SLC35F4: variants seen among roughly 807,000 people sequenced by gnomAD.
SLC35F4 encodes solute carrier family 35 member F4.
Under a neutral mutation model 44.2 loss-of-function variants are expected in SLC35F4, and 24 were observed. The ratio of observed to expected loss-of-function variants is 0.54; its 90% CI spans 0.39 to 0.76. The LOEUF is 0.76. Ranked by LOEUF, SLC35F4 falls within the 30% of genes least tolerant of loss-of-function variation. The probability of loss-of-function intolerance (pLI) is 0.00; values close to 1 mark genes in which losing one functional copy is unlikely to be tolerated. For missense variants in SLC35F4, 562 were observed against 586.1 expected, an observed-to-expected ratio of 0.96 and a Z score of 0.42; for synonymous variants, 238 against 223.6, an observed-to-expected ratio of 1.06 and a Z score of -0.57.
chr14:57,845,411 G>A (rs1220583689), intron 1 of SLC35F4, among the ~76,000 whole-genome samples: 2 of 152,216 alleles, frequency 1.3e-5, no homozygotes, highest in African/African-American at 2.4e-5. Context: ...GCTTCGGCAA[G>A]GGTAAAATGC....
chr14:57,704,739 G>A (rs573327133), intron 1 of SLC35F4, among the ~76,000 whole-genome samples: 4 of 152,266 alleles, frequency 2.6e-5, no homozygotes, highest in East Asian at 1.9e-4. Context: ...GAAAGAGCTC[G>A]CTTCTGTGGC....
At chr14:57,769,768 G>T (rs117757620) in intron 1 of SLC35F4, among the ~76,000 whole-genome samples, 1 of 152,034 alleles carries the variant, frequency 6.6e-6, no homozygotes, top group African/African-American at 2.4e-5. Context: ...GGGTGCTTAG[G>T]GATTCTGTAA....
intron 1 of SLC35F4, among the ~76,000 whole-genome samples, chr14:57,957,833 G>C (rs1890266287): frequency 6.6e-6 from 1 of 152,026 alleles, no homozygotes; most frequent in African/African-American, 2.4e-5. Flanking sequence ...TAAAGAAATA[G>C]AATCTATCTG....
At chr14:57,653,739 AG>A (rs948154645) in intron 1 of SLC35F4, among the ~76,000 whole-genome samples, 40 of 152,338 alleles carry the variant, frequency 2.6e-4, no homozygotes, top group African/African-American at 9.6e-4. Context: ...GATCCTGCAG[AG>A]GTGGCCGCCT....
At chr14:57,964,931 T>A (rs1890407119) in intron 1 of SLC35F4, among the ~76,000 whole-genome samples, 1 of 148,526 alleles carries the variant, frequency 6.7e-6, no homozygotes, top group South Asian at 2.1e-4. Context: ...CCTCCAGGTA[T>A]CTCTCAAACT....
In SLC35F4 at chr14:57,935,028, T is replaced by A. The variant is rs143503754; in HGVS notation, n.282+46885A>T. Among the ~76,000 whole-genome samples, 85 of 152,236 alleles carry A rather than the reference T, an allele frequency of 5.6e-4. 1 individual carries two copies. The East Asian group carries it at 0.016, about 28-fold the overall frequency. ...TCCAGGTGAGCATACAGCAAGAAAG[T>A]GGCAGAAAGGGTGCATCTGAAAGAG... On this transcript the variant is annotated intron_variant and non_coding_transcript_variant, in intron 1 of 1. Transcript: ENST00000556568.
chr14:57,744,330 T>C (rs1011709889), intron 1 of SLC35F4, among the ~76,000 whole-genome samples: 1 of 152,184 alleles, frequency 6.6e-6, no homozygotes, highest in South Asian at 2.1e-4. Flanking sequence ...GAAAACCCCT[T>C]TGTCTCAGCC....
At chr14:57,738,222 T>C (rs2076513473) in intron 1 of SLC35F4, among the ~76,000 whole-genome samples, 1 of 152,178 alleles carries the variant, frequency 6.6e-6, no homozygotes, top group Admixed American at 6.5e-5. Context: ...TTTTGTTGAG[T>C]GTCTATTTAT....
chr14:57,911,350 T>G (rs187873435), intron 1 of SLC35F4, among the ~76,000 whole-genome samples: 7 of 152,156 alleles, frequency 4.6e-5, no homozygotes, highest in Admixed American at 3.9e-4. Context: ...CGGGGACATC[T>G]TCACCTTGTT....
intron 4 of SLC35F4, chr14:57,579,382 AGTT>A (rs944245260): frequency 1.3e-5 from 2 of 152,212 alleles, no homozygotes; most frequent in African/African-American, 4.8e-5. Context: ...TAAGTTACAC[AGTT>A]GTTTTCTTTT....
In SLC35F4 at chr14:57,668,824, A is replaced by C. The variant is rs556693310; in HGVS notation, c.104-74700T>G. 4.1e-3 allele frequency among the ~76,000 whole-genome samples: 630 copies of C among 151,966 alleles called. 6 individuals are homozygous for C. Among genetic ancestry groups the C allele is most frequent in the African/African-American group, 0.014 (590 of 41,380 alleles). On this transcript the variant is annotated intron_variant, in intron 1 of 7. Transcript: ENST00000556826. ...ACTTGGCGATGCGGGCTCTTTTTTG[A>C]TTCCATATGAACTTTAAAGTAGTTT... is the stretch of plus-strand genomic sequence containing the variant.
intron 1 of SLC35F4, among the ~76,000 whole-genome samples, chr14:57,933,167 G>A (rs895134036): frequency 4.6e-5 from 7 of 151,530 alleles, no homozygotes; most frequent in South Asian, 2.1e-4. Flanking sequence ...AATTATAGGC[G>A]TGTGACACCA....
chr14:57,921,564 G>A (rs562087578), intron 1 of SLC35F4, among the ~76,000 whole-genome samples: 1 of 152,310 alleles, frequency 6.6e-6, no homozygotes, highest in Non-Finnish European at 1.5e-5. Flanking sequence ...AAAATGGATT[G>A]TCGCCCAGTT....
chr14:57,856,666 A>T (rs1054117821), intron 1 of SLC35F4, among the ~76,000 whole-genome samples: 1 of 152,060 alleles, frequency 6.6e-6, no homozygotes, highest in South Asian at 2.1e-4. Context: ...CATATTACAA[A>T]ATACTTCTCA....
intron 1 of SLC35F4, among the ~76,000 whole-genome samples, chr14:57,634,537 T>C (rs2072934216): frequency 6.6e-6 from 1 of 152,036 alleles, no homozygotes; most frequent in African/African-American, 2.4e-5. Flanking sequence ...AGCAGCACCA[T>C]TCATTGGAAA....
At chr14:57,794,301 T>C (rs2078001273) in intron 1 of SLC35F4, among the ~76,000 whole-genome samples, 1 of 152,008 alleles carries the variant, frequency 6.6e-6, no homozygotes, top group African/African-American at 2.4e-5. Context: ...ACTATACATC[T>C]GACAAAAGAC....
At chr14:57,601,479 T>C (rs7142194) in intron 1 of SLC35F4, among the ~76,000 whole-genome samples, 1 of 152,166 alleles carries the variant, frequency 6.6e-6, no homozygotes, top group Non-Finnish European at 1.5e-5. Context: ...CTCCCTCTAG[T>C]AGTCCCCAAT....
intron 1 of SLC35F4, among the ~76,000 whole-genome samples, chr14:57,696,652 A>T (rs1413718702): frequency 6.6e-6 from 1 of 152,242 alleles, no homozygotes. Flanking sequence ...AATAGCAAAG[A>T]CTTGGAACCA....
chr14:57,959,163 TG>T (rs1182324261), intron 1 of SLC35F4, among the ~76,000 whole-genome samples: 1 of 152,208 alleles, frequency 6.6e-6, no homozygotes, highest in Admixed American at 6.5e-5. Context: ...TTTCATATTT[TG>T]TATGGTATAT....
Sources: gnomAD v4.1 joint callset for allele counts (sites outside exome capture counted in the v4.1 genomes callset) on GRCh38, gnomAD v4.1.1 for gene constraint, MANE v1.5 for transcripts, NCBI Gene and HGNC (gene_info 2026-07-23, HGNC 2026-07-21) for gene names.